The following E2F3 variants were observed in gnomAD, a reference collection of about 807,000 sequenced individuals.
E2F3 encodes E2F transcription factor 3.
E2F3 carries 11 observed loss-of-function variants against 44.4 expected under a neutral mutation model. The observed-to-expected ratio is 0.25, with a 90% CI of 0.16 to 0.41. The LOEUF (loss-of-function observed/expected upper bound fraction) is 0.41. E2F3 is among the 10% of genes least tolerant of loss of function. The pLI is 1.00. For synonymous variants in E2F3, 249 were observed against 253.0 expected (o/e 0.98, Z 0.15); for missense variants, 487 against 583.6 (o/e 0.83, Z 1.70).
intron 4 of E2F3, among the ~76,000 whole-genome samples, chr6:20,483,770 T>G (rs2127623526): frequency 6.6e-6 from 1 of 152,328 alleles, no homozygotes; most frequent in East Asian, 1.9e-4. Context: ...CATCTCTAGT[T>G]TTAGTTCCAA....
chr6:20,424,389 G>A (rs1363225317), intron 1 of E2F3, among the ~76,000 whole-genome samples: 1 of 85,536 alleles, frequency 1.2e-5, no homozygotes, highest in African/African-American at 8.2e-5. Context: ...GTGTATGTGT[G>A]TGTGTGTGTG....
chr6:20,453,699 G>A (rs569911584), intron 1 of E2F3, among the ~76,000 whole-genome samples: 31 of 152,152 alleles, frequency 2.0e-4, no homozygotes, highest in Non-Finnish European at 3.8e-4. Context: ...AGGAGCAGTC[G>A]TGCCTGACTC....
At chr6:20,484,057 A>G (rs1374153772) in intron 4 of E2F3, among the ~76,000 whole-genome samples, 4 of 152,204 alleles carry the variant, frequency 2.6e-5, no homozygotes, top group Non-Finnish European at 5.9e-5. Context: ...AGAAACCAAC[A>G]GTTGGGCTGT....
chr6:20,411,497 A>G (rs546643797), intron 1 of E2F3, among the ~76,000 whole-genome samples: 1 of 152,114 alleles, frequency 6.6e-6, no homozygotes, highest in East Asian at 1.9e-4. Context: ...CAGACTTGCC[A>G]CCTTCAGTGG....
intron 1 of E2F3, among the ~76,000 whole-genome samples, chr6:20,423,658 A>T (rs1760104842): frequency 1.3e-5 from 2 of 151,808 alleles, no homozygotes; most frequent in South Asian, 2.1e-4. Flanking sequence ...TTTAGTAGAG[A>T]CAGGGTTTTG....
At chr6:20,483,974 G>A (rs530338574) in intron 4 of E2F3, among the ~76,000 whole-genome samples, 11 of 152,294 alleles carry the variant, frequency 7.2e-5, no homozygotes, top group South Asian at 4.1e-4. Context: ...CTTGTCAGCC[G>A]ATAATTAGTG....
At chr6:20,423,980 G>A (rs1420523296) in intron 1 of E2F3, among the ~76,000 whole-genome samples, 2 of 151,398 alleles carry the variant, frequency 1.3e-5, no homozygotes, top group African/African-American at 4.9e-5. Flanking sequence ...ATGTTGGTCA[G>A]GCTGGTCTCG....
At chr6:20,405,925 T>A (rs550784111) in intron 1 of E2F3, among the ~76,000 whole-genome samples, 1 of 152,336 alleles carries the variant, frequency 6.6e-6, no homozygotes, top group African/African-American at 2.4e-5. Context: ...GTTTTTCTTA[T>A]CGAAATTATA....
At chr6:20,447,286 T>A (rs1760978448) in intron 1 of E2F3, among the ~76,000 whole-genome samples, 1 of 151,926 alleles carries the variant, frequency 6.6e-6, no homozygotes, top group Non-Finnish European at 1.5e-5. Flanking sequence ...AAGGGACAAA[T>A]GAGCTAAGCA....
intron 2 of E2F3, 155 bp downstream of exon 2, chr6:20,480,112 G>A (rs1334641195): frequency 4.1e-6 from 4 of 970,222 alleles, no homozygotes; most frequent in Non-Finnish European, 4.9e-6. Context: ...TAAATACAAT[G>A]TCAGCAGACA....
intron 1 of E2F3, 25 bp from the exon 2 acceptor site, chr6:20,479,821 G>T: frequency 6.3e-7 from 1 of 1,591,180 alleles, no homozygotes; most frequent in South Asian, 1.1e-5. Flanking sequence ...GACCGGTGAC[G>T]AGAGATCGCA....
At chr6:20,469,797 G>A (rs1226650204) in intron 1 of E2F3, among the ~76,000 whole-genome samples, 4 of 152,196 alleles carry the variant, frequency 2.6e-5, no homozygotes, top group Non-Finnish European at 2.9e-5. Flanking sequence ...CAGTTCACCA[G>A]TTATTCTTCT....
intron 1 of E2F3, among the ~76,000 whole-genome samples, chr6:20,436,584 A>G (rs1390800220): frequency 6.6e-6 from 1 of 152,026 alleles, no homozygotes; most frequent in Non-Finnish European, 1.5e-5. Context: ...CGTGGGCCGG[A>G]GGTTGGACAA....
At chr6:20,453,990 C>T (rs188835841) in intron 1 of E2F3, among the ~76,000 whole-genome samples, 119 of 152,342 alleles carry the variant, frequency 7.8e-4, no homozygotes, top group African/African-American at 2.7e-3. Context: ...TTGTTTCTCC[C>T]TAGTGGAATG....
Position 20,492,264 on chromosome 6 carries a change from C to T in E2F3, c.*1834C>T, listed in dbSNP as rs1262528312. ...AGACAGATGACACCAGCACTTTAAA[C>T]TCTTTGTGTGGGTATGCGTGGGTGT... On this transcript the variant is annotated 3_prime_UTR_variant, in exon 7 of 7. Coordinates refer to ENST00000346618, the MANE Select transcript of E2F3 (RefSeq NM_001949.5). 2 of 230,878 alleles carry T rather than the reference C, an allele frequency of 8.7e-6. No homozygotes were observed. Among genetic ancestry groups the T allele is most frequent in the Non-Finnish European group, 1.7e-5 (2 of 116,496 alleles). 14.3% of individuals were successfully genotyped at this position (230,878 alleles called of 1,614,324 possible). A position where few individuals can be genotyped will look rare whatever the true frequency, so the allele number is the denominator to read the frequency against.
intron 1 of E2F3, among the ~76,000 whole-genome samples, chr6:20,445,332 C>T (rs915058473): frequency 3.3e-5 from 5 of 151,910 alleles, no homozygotes; most frequent in Admixed American, 1.3e-4. Flanking sequence ...CTCCGCCTCC[C>T]GGGTTCAAGC....
chr6:20,474,040 A>G (rs760450251), intron 1 of E2F3, among the ~76,000 whole-genome samples: 2 of 152,162 alleles, frequency 1.3e-5, no homozygotes, highest in Admixed American at 6.5e-5. Flanking sequence ...AATATCAGGC[A>G]GGCAGACTAT....
intron 1 of E2F3, among the ~76,000 whole-genome samples, chr6:20,407,705 A>G (rs1226164148): frequency 6.6e-6 from 1 of 152,224 alleles, no homozygotes; most frequent in Non-Finnish European, 1.5e-5. Flanking sequence ...AATAGCTTCA[A>G]GTACTCATAG....
chr6:20,436,718 C>T (rs56887930), intron 1 of E2F3, among the ~76,000 whole-genome samples: 5,415 of 152,256 alleles, frequency 0.036, 312 homozygotes, highest in African/African-American at 0.12. Flanking sequence ...AATGAGAACA[C>T]GCTGCCTGGG....
Sources: gnomAD v4.1 joint callset for allele counts (sites outside exome capture counted in the v4.1 genomes callset) on GRCh38, gnomAD v4.1.1 for gene constraint, MANE v1.5 for transcripts, NCBI Gene and HGNC (gene_info 2026-07-23, HGNC 2026-07-21) for gene names.